The following STXBP6 variants were observed in gnomAD, a reference collection of about 807,000 sequenced individuals.
STXBP6 encodes syntaxin-binding protein 6.
STXBP6 carries 21 observed loss-of-function variants against 26.9 expected under a neutral mutation model. The ratio of observed to expected loss-of-function variants is 0.78; its 90% CI spans 0.55 to 1.12. The LOEUF (loss-of-function observed/expected upper bound fraction) is 1.12. Ranked by LOEUF, STXBP6 falls within the 50% of genes most tolerant of loss-of-function variation. The pLI, the probability that STXBP6 is intolerant of heterozygous loss-of-function variation, is 0.00. For missense variants in STXBP6, 232 were observed against 257.9 expected (o/e 0.90, Z 0.69); for synonymous variants, 97 against 92.6 (o/e 1.05, Z -0.27).
intron 2 of STXBP6, among the ~76,000 whole-genome samples, chr14:24,877,917 G>A (rs1410838227): frequency 1.3e-5 from 2 of 152,126 alleles, no homozygotes; most frequent in African/African-American, 4.8e-5. Context: ...CCAAAACAGT[G>A]TGTAGTCAAG....
At chr14:24,984,391 G>A (rs932352571) in intron 1 of STXBP6, among the ~76,000 whole-genome samples, 2 of 152,290 alleles carry the variant, frequency 1.3e-5, no homozygotes, top group African/African-American at 4.8e-5. Flanking sequence ...ACTCCAACAT[G>A]ACGTCTTCAC....
chr14:24,907,415 A>G (rs144044789), intron 2 of STXBP6, among the ~76,000 whole-genome samples: 485 of 152,322 alleles, frequency 3.2e-3, no homozygotes, highest in Middle Eastern at 0.017. Flanking sequence ...GCATTAAAAG[A>G]GCATTATTAA....
At chr14:24,878,100 G>GT (rs1463462172) in intron 2 of STXBP6, among the ~76,000 whole-genome samples, 1 of 152,022 alleles carries the variant, frequency 6.6e-6, no homozygotes. Flanking sequence ...GTTTCTAGTG[G>GT]TTTTTTCTAT....
intron 2 of STXBP6, among the ~76,000 whole-genome samples, chr14:24,948,697 CG>C (rs1428527076): frequency 2.6e-5 from 4 of 152,060 alleles, no homozygotes; most frequent in Non-Finnish European, 5.9e-5. Flanking sequence ...AACCAGAGAC[CG>C]CTAGGTTGTA....
intron 4 of STXBP6, among the ~76,000 whole-genome samples, chr14:24,828,420 T>C (rs531573085): frequency 6.6e-6 from 1 of 152,290 alleles, no homozygotes; most frequent in South Asian, 2.1e-4. Flanking sequence ...TGTACAAAAA[T>C]GAAGTACAAA....
At chr14:25,016,255 C>G (rs1307749186) in intron 1 of STXBP6, among the ~76,000 whole-genome samples, 1 of 152,132 alleles carries the variant, frequency 6.6e-6, no homozygotes, top group Non-Finnish European at 1.5e-5. Flanking sequence ...TGTTTAGCCT[C>G]ATCAGTAAAT....
chr14:24,832,394 TAGAC>T (rs2068481367), intron 4 of STXBP6, among the ~76,000 whole-genome samples: 1 of 152,212 alleles, frequency 6.6e-6, no homozygotes, highest in Non-Finnish European at 1.5e-5. Context: ...CCTCACCTCA[TAGAC>T]AGATTGGGTA....
intron 4 of STXBP6, among the ~76,000 whole-genome samples, chr14:24,826,173 C>G (rs1233067088): frequency 6.6e-6 from 1 of 152,156 alleles, no homozygotes; most frequent in Non-Finnish European, 1.5e-5. Context: ...TGAAAACTCT[C>G]TACACAATGC....
intron 2 of STXBP6, among the ~76,000 whole-genome samples, chr14:24,969,899 T>C (rs2073850064): frequency 6.6e-6 from 1 of 152,130 alleles, no homozygotes; most frequent in Admixed American, 6.6e-5. Context: ...TGCATGGAGA[T>C]AATGAGGTTA....
At chr14:24,826,040 G>T (rs1048596782) in intron 4 of STXBP6, among the ~76,000 whole-genome samples, 4 of 152,056 alleles carry the variant, frequency 2.6e-5, no homozygotes. Flanking sequence ...TTCTGTCTTG[G>T]GTTATGTTTG....
chr14:24,986,600 A>C (rs1396127648), intron 1 of STXBP6, among the ~76,000 whole-genome samples: 2 of 152,180 alleles, frequency 1.3e-5, no homozygotes, highest in African/African-American at 4.8e-5. Flanking sequence ...GAAAATAGGA[A>C]TCCGTCTAGC....
At chr14:24,906,698 G>A (rs2071397216) in intron 2 of STXBP6, among the ~76,000 whole-genome samples, 1 of 152,140 alleles carries the variant, frequency 6.6e-6, no homozygotes, top group South Asian at 2.1e-4. Flanking sequence ...ATATCAAGTG[G>A]TTCCCTCACT....
chr14:24,931,589 C>A (rs1245030087), intron 2 of STXBP6, among the ~76,000 whole-genome samples: 1 of 152,104 alleles, frequency 6.6e-6, no homozygotes, highest in African/African-American at 2.4e-5. Flanking sequence ...TATGGAGCAC[C>A]TACTATGTTT....
intron 2 of STXBP6, among the ~76,000 whole-genome samples, chr14:24,890,469 C>T (rs1215467264): frequency 6.6e-6 from 1 of 151,974 alleles, no homozygotes; most frequent in African/African-American, 2.4e-5. Flanking sequence ...GAGGATCATG[C>T]ATGAAATTAA....
intron 1 of STXBP6, among the ~76,000 whole-genome samples, chr14:25,032,184 A>G (rs1021531522): frequency 6.6e-6 from 1 of 152,174 alleles, no homozygotes; most frequent in Non-Finnish European, 1.5e-5. Flanking sequence ...CCGCGAAGGC[A>G]TTCTATTCTG....
chr14:24,855,332 A>T (rs2069290352), intron 4 of STXBP6, among the ~76,000 whole-genome samples: 1 of 152,140 alleles, frequency 6.6e-6, no homozygotes, highest in Admixed American at 6.6e-5. Flanking sequence ...TTAGCACAGT[A>T]TCAATTCTCT....
intron 1 of STXBP6, among the ~76,000 whole-genome samples, chr14:25,006,072 T>C (rs1259275339): frequency 2.0e-5 from 3 of 152,230 alleles, no homozygotes; most frequent in Non-Finnish European, 4.4e-5. Context: ...TGTCAAAATA[T>C]ATCCCTGACT....
chr14:24,932,413 C>G (rs964578707), intron 2 of STXBP6, among the ~76,000 whole-genome samples: 4 of 152,080 alleles, frequency 2.6e-5, no homozygotes, highest in African/African-American at 9.7e-5. Context: ...TTGGGCCATT[C>G]AGGGAGCTGA....
chr14:24,918,708 A>C (rs1299521920), intron 2 of STXBP6, among the ~76,000 whole-genome samples: 2 of 152,038 alleles, frequency 1.3e-5, no homozygotes, highest in African/African-American at 4.8e-5. Flanking sequence ...TTATTACGGC[A>C]GTTTAACCAG....
Sources: gnomAD v4.1 joint callset for allele counts (sites outside exome capture counted in the v4.1 genomes callset) on GRCh38, gnomAD v4.1.1 for gene constraint, MANE v1.5 for transcripts, NCBI Gene and HGNC (gene_info 2026-07-23, HGNC 2026-07-21) for gene names.